The following KCNT1 variants were observed in gnomAD, a reference collection of about 807,000 sequenced individuals.
KCNT1 encodes the protein potassium channel subfamily T member 1.
KCNT1 carries 78 observed loss-of-function variants against 147.8 expected under a neutral mutation model. The observed-to-expected ratio is 0.53, with a 90% CI of 0.44 to 0.64. KCNT1 has a LOEUF of 0.64. Among genes scored for constraint, KCNT1 ranks in the 30% least tolerant of loss-of-function variants. The pLI is 0.00. For synonymous variants in KCNT1, 867 were observed against 748.8 expected (o/e 1.16, Z -2.58); for missense variants, 1,419 against 1,750.3 (o/e 0.81, Z 3.38).
At chr9:135,750,904 G>A (rs773569958) in intron 3 of KCNT1, 38 bp from the exon 4 acceptor site, 15 of 1,593,640 alleles carry the variant, frequency 9.4e-6, no homozygotes, top group Middle Eastern at 1.7e-4. Flanking sequence ...GAAGCCCAGA[G>A]CTGGGTCAGA....
chr9:135,786,175 T>TCACCCCTCCCC (rs764105798), intron 28 of KCNT1, 22 bp from the exon 29 acceptor site: 16 of 643,630 alleles, frequency 2.5e-5, no homozygotes, highest in South Asian at 1.4e-4. Context: ...CTCCCCGCCC[T>TCACCCCTCCCC]GCCCTGCCCT....
intron 27 of KCNT1, 85 bp from the exon 28 acceptor site, chr9:135,785,225 A>T (rs1178041813): frequency 4.4e-6 from 7 of 1,578,372 alleles, no homozygotes; most frequent in Non-Finnish European, 4.3e-6. Flanking sequence ...AGCCCTAAGC[A>T]TGTTCCGTGC....
intron 1 of KCNT1, among the ~76,000 whole-genome samples, chr9:135,713,867 C>G (rs967271391): frequency 1.9e-4 from 29 of 152,204 alleles, no homozygotes; most frequent in Non-Finnish European, 1.3e-4. Flanking sequence ...CCCACTCTAC[C>G]TGGTGTGCCA....
chr9:135,781,654 A>AAAT (rs398012564), intron 24 of KCNT1, among the ~76,000 whole-genome samples: 16 of 151,960 alleles, frequency 1.1e-4, no homozygotes, highest in Admixed American at 2.0e-4. Flanking sequence ...AAAAAAAAAA[A>AAAT]TTGAAGAAAA....
intron 2 of KCNT1, among the ~76,000 whole-genome samples, chr9:135,737,824 G>T (rs914580955): frequency 6.6e-6 from 1 of 152,134 alleles, no homozygotes; most frequent in African/African-American, 2.4e-5. Flanking sequence ...CAGCAGCCCT[G>T]GGGGGGCACT....
At chr9:135,791,580 T>C (rs1481829534) in intron 29 of KCNT1, 2 of 554,540 alleles carry the variant, frequency 3.6e-6, no homozygotes, top group East Asian at 6.1e-5. Context: ...GGCTCCCAGC[T>C]GCCCTCCTGG....
At chr9:135,785,676 T>C (rs570959853) in intron 28 of KCNT1, 86 of 529,914 alleles carry the variant, frequency 1.6e-4, no homozygotes, top group Admixed American at 7.9e-4. Context: ...TTTCTGAAGG[T>C]GCCACCCAGG....
chr9:135,761,546 A>T (rs1027242531), intron 11 of KCNT1, among the ~76,000 whole-genome samples: 2 of 152,038 alleles, frequency 1.3e-5, no homozygotes, highest in African/African-American at 4.8e-5. Context: ...TTCTGCAAAG[A>T]CCCTTTTGCA....
intron 29 of KCNT1, chr9:135,791,370 C>T (rs913407476): frequency 1.5e-4 from 33 of 222,898 alleles, no homozygotes; most frequent in Non-Finnish European, 2.3e-4. Context: ...GTGTGGAATA[C>T]AGAGGTGAAT....
chr9:135,783,489 G>A (rs1833772765), intron 24 of KCNT1, among the ~76,000 whole-genome samples: 1 of 152,254 alleles, frequency 6.6e-6, no homozygotes, highest in South Asian at 2.1e-4. Flanking sequence ...GGAGACAGGT[G>A]TCGTTTTAGC....
rs137895569 is a variant in KCNT1, at chr9:135,751,909, T to G, written c.434+868T>G. 1.9e-3 allele frequency: 329 copies of G among 172,790 alleles called. 3 individuals are homozygous for G. Among genetic ancestry groups the G allele is most frequent in the African/African-American group, 7.5e-3 (314 of 41,796 alleles). 10.7% of individuals were successfully genotyped at this position (172,790 alleles called of 1,614,324 possible). On this transcript the variant is annotated intron_variant, in intron 4 of 30. Transcript: ENST00000371757. ...GTTCACTCGTCCACTTGTTCTGTCC[T>G]GCCTCCTGGTTTCCAGAAATCCTTT...
At chr9:135,740,957 G>A (rs555652694) in intron 2 of KCNT1, among the ~76,000 whole-genome samples, 242 of 140,476 alleles carry the variant, frequency 1.7e-3, no homozygotes, top group Non-Finnish European at 2.8e-3. Flanking sequence ...TTGTGCAGCC[G>A]ACAGACCTTG....
chr9:135,730,937 G>A lies in KCNT1; in HGVS notation c.254+16217G>A, dbSNP rs1836403267. ...GGAGGTCCAGGCTGCAGTGAGCGAT[G>A]TTCATGCCACTGCACTCCAGCCTGG... On this transcript the variant is annotated intron_variant, in intron 2 of 30. Coordinates refer to ENST00000371757, the MANE Select transcript of KCNT1 (RefSeq NM_020822.3). The surrounding 1 kb of genome is among the most constrained non-coding windows in gnomAD (Gnocchi z 4.7). 7.3e-6 allele frequency among the ~76,000 whole-genome samples: 1 copy of A among 136,872 alleles called. No homozygotes were observed. Among genetic ancestry groups the A allele is most frequent in the Non-Finnish European group, 1.5e-5 (1 of 65,768 alleles). The allele number at this position is 136,872 out of a possible 152,430, so 89.8% of individuals were successfully genotyped here.
intron 18 of KCNT1, among the ~76,000 whole-genome samples, chr9:135,772,464 T>G (rs969954853): frequency 6.6e-6 from 1 of 152,076 alleles, no homozygotes; most frequent in African/African-American, 2.4e-5. Context: ...CCACAGCAGC[T>G]GGCCTGGGTG....
intron 2 of KCNT1, among the ~76,000 whole-genome samples, chr9:135,732,774 C>T (rs1188790899): frequency 2.7e-5 from 4 of 150,314 alleles, no homozygotes; most frequent in Non-Finnish European, 5.9e-5. Flanking sequence ...CTCTCTCTCT[C>T]TCATTCTCTC....
At chr9:135,722,679 C>T (rs1397268711) in intron 2 of KCNT1, among the ~76,000 whole-genome samples, 1 of 152,244 alleles carries the variant, frequency 6.6e-6, no homozygotes, top group African/African-American at 2.4e-5. Flanking sequence ...GCGGACCAGG[C>T]TCCTGGTGAG....
At chr9:135,791,617 G>A (rs1373581197) in intron 29 of KCNT1, 180 bp from the exon 30 acceptor site, 2 of 601,174 alleles carry the variant, frequency 3.3e-6, no homozygotes, top group African/African-American at 3.7e-5. Context: ...GTGGAGATGG[G>A]ACAGGTGTCG....
chr9:135,765,069 G>A lies in KCNT1; in HGVS notation c.1074G>A (p.Lys358=). 1 of 1,613,176 alleles carries A rather than the reference G, an allele frequency of 6.2e-7. No homozygotes were observed. Among genetic ancestry groups the A allele is most frequent in the Non-Finnish European group, 8.5e-7 (1 of 1,179,842 alleles). Residue 358 remains lysine (K), a synonymous_variant, in exon 12 of 31, where the codon AAG becomes AAA. Transcript: ENST00000371757. ...ELVYLWMERQ[K]SGGNYSRHRA... is the part of the protein sequence containing the mutation. ...TCTACCTCTGGATGGAGCGGCAGAA[G>A]TCAGGGGGCAACTACAGCCGCCACC... is the stretch of plus-strand genomic sequence containing the variant.
rs376959689 is a variant in KCNT1 at position 135,733,620 on chromosome 9, A to G, written c.255-16478A>G. On this transcript the variant is annotated intron_variant, in intron 2 of 30. Transcript: ENST00000371757. ...TGCACCTGCCCCCACACCTGCCCTC[A>G]CATCTGTAAATGTCACACTGCCCAG... Among the ~76,000 whole-genome samples, 4 of 109,992 alleles carry G rather than the reference A, an allele frequency of 3.6e-5. No individual in the cohort carries two copies. The East Asian group carries it at 8.0e-4, about 22-fold the overall frequency. The allele number at this position is 109,992 out of a possible 152,430, so 72.2% of individuals were successfully genotyped here. A position where few individuals can be genotyped will look rare whatever the true frequency, so the allele number is the denominator to read the frequency against.
Sources: allele counts gnomAD v4.1 joint callset (sites outside exome capture counted in the v4.1 genomes callset), GRCh38; gene constraint gnomAD v4.1.1; non-coding constraint Gnocchi (gnomAD v3.1); transcripts MANE v1.5; gene names NCBI Gene and HGNC (gene_info 2026-07-23, HGNC 2026-07-21).